Variants in MAP2K5 observed in about 807,000 individuals in gnomAD.
MAP2K5 encodes the protein dual specificity mitogen-activated protein kinase kinase 5.
MAP2K5 carries 49 observed loss-of-function variants against 83.1 expected under a neutral mutation model. The observed-to-expected ratio is 0.59, with a 90% confidence interval of 0.47 to 0.75. The LOEUF (loss-of-function observed/expected upper bound fraction) is 0.75, where lower values mean the gene tolerates loss of function less well. MAP2K5 is among the 30% of genes least tolerant of loss of function. The pLI is 0.00. For synonymous variants in MAP2K5, 202 were observed against 191.8 expected (o/e 1.05, Z -0.44); for missense variants, 457 against 557.5 (o/e 0.82, Z 1.82).
intron 13 of MAP2K5, among the ~76,000 whole-genome samples, chr15:67,681,074 A>G (rs1292509104): frequency 6.6e-6 from 1 of 152,214 alleles, no homozygotes; most frequent in Non-Finnish European, 1.5e-5. Context: ...TGTTTTTCCC[A>G]TTCATCTGAT....
chr15:67,739,468 T>A (rs1414008815), intron 17 of MAP2K5, among the ~76,000 whole-genome samples: 48 of 21,456 alleles, frequency 2.2e-3, no homozygotes, highest in African/African-American at 4.0e-3. Context: ...ATATATTTTT[T>A]TTTTTTTTTT....
At chr15:67,596,300 G>T (rs1377865901) in intron 7 of MAP2K5, among the ~76,000 whole-genome samples, 1 of 152,102 alleles carries the variant, frequency 6.6e-6, no homozygotes, top group Non-Finnish European at 1.5e-5. Context: ...CCCATGCCCA[G>T]CTACTTAGGT....
In MAP2K5 at chr15:67,668,042, T is replaced by G. The variant is rs1032809535; in HGVS notation, c.847+3397T>G. On this transcript the variant is annotated intron_variant, in intron 13 of 21. Coordinates refer to ENST00000178640, the MANE Select transcript of MAP2K5 (RefSeq NM_145160.3). The surrounding 1 kb of genome is among the most constrained non-coding windows in gnomAD (Gnocchi z 4.0). ...TGTTAACTGGAAATTGTTTTGGAAA[T>G]TGAAGCACAGCAGTTGCTATTCATA... 4.6e-5 allele frequency among the ~76,000 whole-genome samples: 7 copies of G among 152,198 alleles called. No homozygotes were observed. The highest frequency in any genetic ancestry group is 1.4e-4 in the African/African-American group (6 of 41,470).
chr15:67,783,922 A>G lies in MAP2K5; in HGVS notation c.1242+11170A>G, dbSNP rs2090371183. On this transcript the variant is annotated intron_variant, in intron 21 of 21. Transcript: ENST00000178640. This position sits in a 1 kb window ranked among gnomAD's most constrained non-coding sequence, Gnocchi z 5.1. ...TACCAGAGCCTCTAATAGCCACACT[A>G]GCCAGTATTCATACTACAATTTATT... 6.6e-6 allele frequency among the ~76,000 whole-genome samples: 1 copy of G among 152,228 alleles called. No individual in the cohort carries two copies. Among genetic ancestry groups the G allele is most frequent in the South Asian group, 2.1e-4 (1 of 4,830 alleles).
intron 11 of MAP2K5, among the ~76,000 whole-genome samples, chr15:67,649,422 A>G (rs1270320538): frequency 6.6e-6 from 1 of 152,112 alleles, no homozygotes; most frequent in Non-Finnish European, 1.5e-5. Flanking sequence ...TCCTGGGCTC[A>G]AGTGATCCTC....
rs149103209 is a variant in MAP2K5, at chr15:67,560,112, T to C, written c.185-3171T>C. On this transcript the variant is annotated intron_variant, in intron 2 of 21. Coordinates refer to ENST00000178640, the MANE Select transcript of MAP2K5 (RefSeq NM_145160.3). ...AGAAAAGTATTTTAGGCTACTGTCA[T>C]AGTAATTTGCTTAGTATGTATTTCT... Among the ~76,000 whole-genome samples, 994 of 152,394 alleles carry C rather than the reference T, an allele frequency of 6.5e-3. 6 individuals are homozygous for C. Among genetic ancestry groups the C allele is most frequent in the Admixed American group, 9.6e-3 (147 of 15,312 alleles).
intron 8 of MAP2K5, among the ~76,000 whole-genome samples, chr15:67,606,937 C>CT (rs1483279286): frequency 6.6e-6 from 1 of 152,174 alleles, no homozygotes; most frequent in Non-Finnish European, 1.5e-5. Context: ...TTGACTTCCT[C>CT]TTTCACCAAC....
chr15:67,552,136 T>G lies in MAP2K5; in HGVS notation c.184+2054T>G, dbSNP rs1024680466. On this transcript the variant is annotated intron_variant, in intron 2 of 21. Coordinates refer to ENST00000178640, the MANE Select transcript of MAP2K5 (RefSeq NM_145160.3). The surrounding 1 kb of genome is among the most constrained non-coding windows in gnomAD (Gnocchi z 4.2). ...TTACTTTGTATGTTTCTCTATTGTT[T>G]GAACATTTTTCAACAATCATTGCCT... is the stretch of plus-strand genomic sequence containing the variant. Among the ~76,000 whole-genome samples the G allele has an allele frequency of 2.6e-5, 4 of 152,212 alleles. No individual in the cohort carries two copies. Among genetic ancestry groups the G allele is most frequent in the African/African-American group, 9.7e-5 (4 of 41,450 alleles).
chr15:67,805,118 C>T (rs182199278), intron 21 of MAP2K5, among the ~76,000 whole-genome samples: 19 of 152,346 alleles, frequency 1.2e-4, no homozygotes, highest in African/African-American at 3.8e-4. Context: ...CCAGTCTCAG[C>T]GGGTCCCTGC....
intron 14 of MAP2K5, 78 bp from the exon 15 acceptor site, chr15:67,693,440 A>G (rs2088166008): frequency 9.3e-7 from 1 of 1,071,946 alleles, no homozygotes; most frequent in Admixed American, 1.9e-5. Flanking sequence ...TGATGATTGT[A>G]GGTTAAATGA....
intron 13 of MAP2K5, among the ~76,000 whole-genome samples, chr15:67,672,849 G>A (rs1478794092): frequency 6.6e-6 from 1 of 151,338 alleles, no homozygotes; most frequent in Non-Finnish European, 1.5e-5. Flanking sequence ...TAAGGTGTAA[G>A]GAAGGGATCC....
intron 15 of MAP2K5, 105 bp downstream of exon 15, chr15:67,693,673 A>G: frequency 1.2e-6 from 1 of 839,498 alleles, no homozygotes; most frequent in Non-Finnish European, 1.9e-6. Flanking sequence ...AGCCTAGCAG[A>G]TCATAAATTG....
chr15:67,591,129 G>T (rs781705968), intron 6 of MAP2K5, among the ~76,000 whole-genome samples: 18 of 151,896 alleles, frequency 1.2e-4, no homozygotes, highest in Non-Finnish European at 2.2e-4. Context: ...GGCAGATCAC[G>T]AGGTCAGGAG....
intron 3 of MAP2K5, among the ~76,000 whole-genome samples, chr15:67,564,380 GC>G (rs532853444): frequency 4.0e-4 from 61 of 152,324 alleles, no homozygotes; most frequent in Non-Finnish European, 7.2e-4. Flanking sequence ...CAGGGCTCTT[GC>G]TTTTCACTGA....
intron 19 of MAP2K5, among the ~76,000 whole-genome samples, chr15:67,756,549 G>GTC (rs1387472364): frequency 1.4e-5 from 1 of 73,660 alleles, no homozygotes; most frequent in East Asian, 3.5e-4. Flanking sequence ...GTGTGTGTGT[G>GTC]TGTGTGTGTG....
Position 67,583,284 on chromosome 15 carries a change from A to G in MAP2K5, c.322+2461A>G, listed in dbSNP as rs2085220469. Among the ~76,000 whole-genome samples the G allele has an allele frequency of 2.0e-5, 3 of 152,116 alleles. No individual in the cohort carries two copies. The South Asian group carries it at 6.2e-4, about 32-fold the overall frequency. On this transcript the variant is annotated intron_variant, in intron 4 of 21. Transcript: ENST00000178640. ...TAGAGTGTGCATGGGAGTAGTTTGGAGGGCTTGTTTTGGAGTGGAGAGGAG... is the reference window on the plus strand; with the variant it reads ...TAGAGTGTGCATGGGAGTAGTTTGGGGGGCTTGTTTTGGAGTGGAGAGGAG...
At position 67,782,978 on chromosome 15, in the gene MAP2K5, A is replaced by T. The variant is rs1441528101; in HGVS notation, c.1242+10226A>T. ...TGGAAAGTGGGTTAAGCACCGAAGGAAGGTGTAAGGATGGCTTTTAGGGGA... is the reference window on the plus strand; with the variant it reads ...TGGAAAGTGGGTTAAGCACCGAAGGTAGGTGTAAGGATGGCTTTTAGGGGA... On this transcript the variant is annotated intron_variant, in intron 21 of 21. Coordinates refer to ENST00000178640, the MANE Select transcript of MAP2K5 (RefSeq NM_145160.3). This position sits in a 1 kb window ranked among gnomAD's most constrained non-coding sequence, Gnocchi z 4.9. Among the ~76,000 whole-genome samples, 1 of 152,254 alleles carries T rather than the reference A, an allele frequency of 6.6e-6. No individual in the cohort carries two copies. The highest frequency in any genetic ancestry group is 2.4e-5 in the African/African-American group (1 of 41,480).
At chr15:67,678,204 G>A (rs929352009) in intron 13 of MAP2K5, among the ~76,000 whole-genome samples, 8 of 151,932 alleles carry the variant, frequency 5.3e-5, no homozygotes, top group African/African-American at 1.9e-4. Flanking sequence ...CTTTTCATAA[G>A]ACAATTAAAC....
At position 67,636,224 on chromosome 15, in the gene MAP2K5, C is replaced by G. The variant is rs1338647973; in HGVS notation, c.585+5297C>G. Reference sequence around the variant, plus strand: ...TCAGGAGATCGAGACCATCCTAACACGGTGAAACCCCATTTCTACTAAAAA... The same window carrying G: ...TCAGGAGATCGAGACCATCCTAACAGGGTGAAACCCCATTTCTACTAAAAA... On this transcript the variant is annotated intron_variant, in intron 9 of 21. Transcript: ENST00000178640. This position sits in a 1 kb window ranked among gnomAD's most constrained non-coding sequence, Gnocchi z 4.7. Among the ~76,000 whole-genome samples, 1 of 152,054 alleles carries G rather than the reference C, an allele frequency of 6.6e-6. No individual in the cohort carries two copies. Among genetic ancestry groups the G allele is most frequent in the Admixed American group, 6.5e-5 (1 of 15,274 alleles).
Sources: allele counts gnomAD v4.1 joint callset (sites outside exome capture counted in the v4.1 genomes callset), GRCh38; gene constraint gnomAD v4.1.1; non-coding constraint Gnocchi (gnomAD v3.1); transcripts MANE v1.5; gene names NCBI Gene and HGNC (gene_info 2026-07-23, HGNC 2026-07-21).